Variants in ALG9 observed in about 807,000 individuals in gnomAD.
ALG9 encodes ALG9 alpha-1,2-mannosyltransferase.
ALG9 carries 55 observed loss-of-function variants against 81.8 expected under a neutral mutation model. The ratio of observed to expected loss-of-function variants is 0.67; its 90% CI spans 0.54 to 0.84. ALG9 has a LOEUF of 0.84. ALG9 is among the 40% of genes least tolerant of loss of function. The pLI is 0.00. For synonymous variants in ALG9, 278 were observed against 274.3 expected, an observed-to-expected ratio of 1.01 and a Z score of -0.13; for missense variants, 629 against 745.0, an observed-to-expected ratio of 0.84 and a Z score of 1.81.
At chr11:111,861,301 C>T (rs2072839833) in intron 4 of ALG9, among the ~76,000 whole-genome samples, 1 of 152,198 alleles carries the variant, frequency 6.6e-6, no homozygotes, top group South Asian at 2.1e-4. Flanking sequence ...CGGACATACC[C>T]ACGTGTTCAT....
Position 111,791,429 on chromosome 11 carries a change from C to T in ALG9, c.1734-4909G>A, listed in dbSNP as rs11214002. On this transcript the variant is annotated intron_variant, in intron 14 of 14. Transcript: ENST00000616540. Reference sequence around the variant, plus strand: ...AGCACATCATTTCATTTTATTCATCCAATATTCCAAGGTACGCTAAGCAGG... The same window carrying T: ...AGCACATCATTTCATTTTATTCATCTAATATTCCAAGGTACGCTAAGCAGG... Among the ~76,000 whole-genome samples the T allele has an allele frequency of 6.2e-3, 947 of 152,294 alleles. 45 individuals carry two copies. In the East Asian group the frequency reaches 0.13, roughly 21 times the overall value.
intron 13 of ALG9, among the ~76,000 whole-genome samples, chr11:111,821,268 T>G (rs1168699933): frequency 6.6e-6 from 1 of 152,164 alleles, no homozygotes; most frequent in Non-Finnish European, 1.5e-5. Flanking sequence ...CTGTCCTCCT[T>G]GAGCTCACCT....
At chr11:111,774,069 TAAAA>T in the ALG9 span, among the ~76,000 whole-genome samples, 9 of 69,732 alleles carry the variant, frequency 1.3e-4, no homozygotes, top group African/African-American at 5.9e-5. Flanking sequence ...CATATCTTAT[TAAAA>T]AAAAAAAAAA....
In ALG9 at chr11:111,870,249, A is replaced by AT; in HGVS notation, c.252dup (p.Phe85IlefsTer50). ...TCACCTACTGGCTCCCAGTAGTTGA[A>AT]TGTTTCATCACAGTCAGAGATGTTG... is the stretch of plus-strand genomic sequence containing the variant. On this transcript the variant is annotated frameshift_variant, in exon 2 of 15. Coordinates refer to ENST00000616540, the MANE Select transcript of ALG9 (RefSeq NM_024740.2). LOFTEE classifies it high-confidence loss of function. 6.2e-7 allele frequency: 1 copy of AT among 1,610,118 alleles called. No individual in the cohort carries two copies. The highest frequency in any genetic ancestry group is 2.2e-5 in the East Asian group (1 of 44,858).
At chr11:111,807,740 G>A (rs1318754486) in intron 14 of ALG9, among the ~76,000 whole-genome samples, 1 of 152,100 alleles carries the variant, frequency 6.6e-6, no homozygotes, top group Non-Finnish European at 1.5e-5. Context: ...CTTTGGGGCC[G>A]AGGTCGTGCT....
At chr11:111,840,550 A>G in intron 10 of ALG9, 105 bp downstream of exon 10, 1 of 1,354,134 alleles carries the variant, frequency 7.4e-7, no homozygotes, top group Non-Finnish European at 1.1e-6. Context: ...TGTTATGGAT[A>G]AAATATCTTA....
Position 111,784,998 on chromosome 11 carries a change from G to C in ALG9, c.*1399C>G, listed in dbSNP as rs1014944326. 1.3e-5 allele frequency: 2 copies of C among 152,638 alleles called. No homozygotes were observed. Among genetic ancestry groups the C allele is most frequent in the African/African-American group, 4.8e-5 (2 of 41,458 alleles). The allele number at this position is 152,638 out of a possible 1,614,324, so 9.5% of individuals were successfully genotyped here. A position where few individuals can be genotyped will look rare whatever the true frequency, so the allele number is the denominator to read the frequency against. ...GGAGGCTCCAAAGAACTCAAATACA[G>C]ACACAATTCTTCCTTAAAATAGAAA... On this transcript the variant is annotated 3_prime_UTR_variant, in exon 15 of 15. Coordinates refer to ENST00000616540, the MANE Select transcript of ALG9 (RefSeq NM_024740.2).
intron 12 of ALG9, 60 bp from the exon 13 acceptor site, chr11:111,836,354 T>C: frequency 6.2e-7 from 1 of 1,600,434 alleles, no homozygotes; most frequent in Non-Finnish European, 8.5e-7. Flanking sequence ...TAAATGTACT[T>C]GAAACAAACA....
At chr11:111,774,069 TAAAAAAA>T in the ALG9 span, among the ~76,000 whole-genome samples, 22 of 69,734 alleles carry the variant, frequency 3.2e-4, no homozygotes, top group African/African-American at 1.1e-3. Context: ...CATATCTTAT[TAAAAAAA>T]AAAAAAAAAA....
chr11:111,862,776 T>A (rs1402140513), intron 4 of ALG9, among the ~76,000 whole-genome samples: 1 of 151,466 alleles, frequency 6.6e-6, no homozygotes, highest in South Asian at 2.1e-4. Flanking sequence ...TATTTGGTCA[T>A]CTCTTGTTTC....
At chr11:111,780,385 T>C (rs1157813499), downstream of ALG9, among the ~76,000 whole-genome samples, 1 of 144,512 alleles carries the variant, frequency 6.9e-6, no homozygotes, top group Non-Finnish European at 1.5e-5. Context: ...ATTTGCCGTT[T>C]TTTTTTTTGT....
intron 3 of ALG9, among the ~76,000 whole-genome samples, chr11:111,867,020 G>A (rs911523428): frequency 1.3e-5 from 2 of 152,160 alleles, no homozygotes; most frequent in African/African-American, 2.4e-5. Flanking sequence ...ACTTGAATCC[G>A]GGAAACGGAG....
intron 14 of ALG9, among the ~76,000 whole-genome samples, chr11:111,797,681 T>C (rs1948507826): frequency 6.6e-6 from 1 of 152,222 alleles, no homozygotes; most frequent in Admixed American, 6.5e-5. Context: ...ATGCTGGAGC[T>C]AAGGGCTGGC....
chr11:111,783,047 C>T lies in ALG9; in HGVS notation c.*3350G>A, dbSNP rs1555057970. 6.6e-6 allele frequency: 1 copy of T among 152,144 alleles called. No individual in the cohort carries two copies. The highest frequency in any genetic ancestry group is 2.4e-5 in the African/African-American group (1 of 41,434). The allele number at this position is 152,144 out of a possible 1,614,324, so 9.4% of individuals were successfully genotyped here. On this transcript the variant is annotated 3_prime_UTR_variant, in exon 15 of 15. Transcript: ENST00000616540. ...CGTGCAGACTGGTTCAGTAATGGTACTCAGCATCACAAGATTTGGGGATTC... is the reference window on the plus strand; with the variant it reads ...CGTGCAGACTGGTTCAGTAATGGTATTCAGCATCACAAGATTTGGGGATTC...
At chr11:111,820,920 G>GCACACACACACACA (rs58305552) in intron 13 of ALG9, among the ~76,000 whole-genome samples, 1 of 146,264 alleles carries the variant, frequency 6.8e-6, no homozygotes, top group African/African-American at 2.5e-5. Context: ...AAACACGCGC[G>GCACACACACACACA]CACACACACA....
chr11:111,808,839 A>G (rs1489767051), intron 14 of ALG9, among the ~76,000 whole-genome samples: 3 of 151,880 alleles, frequency 2.0e-5, no homozygotes, highest in Non-Finnish European at 4.4e-5. Flanking sequence ...CCTCTTCCCC[A>G]TTACTCCCTT....
intron 13 of ALG9, among the ~76,000 whole-genome samples, chr11:111,818,923 T>C (rs1220085764): frequency 6.6e-6 from 1 of 151,862 alleles, no homozygotes; most frequent in African/African-American, 2.4e-5. Flanking sequence ...AGACCACAGA[T>C]AAAGCTGAGA....
chr11:111,803,899 G>A lies in ALG9; in HGVS notation c.1733+5744C>T, dbSNP rs112348090. 2.6e-5 allele frequency among the ~76,000 whole-genome samples: 4 copies of A among 152,156 alleles called. 1 individual carries two copies. The highest frequency in any genetic ancestry group is 4.8e-5 in the African/African-American group (2 of 41,502). On this transcript the variant is annotated intron_variant, in intron 14 of 14. Coordinates refer to ENST00000616540, the MANE Select transcript of ALG9 (RefSeq NM_024740.2). ...TGTAATCTCAGCACTTTGGGAGAGCGAGTCGGGTGGATCACTTGCGGTCAG... is the reference window on the plus strand; with the variant it reads ...TGTAATCTCAGCACTTTGGGAGAGCAAGTCGGGTGGATCACTTGCGGTCAG...
At position 111,802,674 on chromosome 11, in the gene ALG9, T is replaced by TA. The variant is rs200186420; in HGVS notation, c.1733+6968dup. Among the ~76,000 whole-genome samples, 27 of 151,382 alleles carry TA rather than the reference T, an allele frequency of 1.8e-4. No homozygotes were observed. The East Asian group carries it at 3.5e-3, about 20-fold the overall frequency. ...ATGTAAACTATACTGCAATAAAGTT[T>TA]AAAAAAAAACACCCCGGTTAAATTT... On this transcript the variant is annotated intron_variant, in intron 14 of 14. Coordinates refer to ENST00000616540, the MANE Select transcript of ALG9 (RefSeq NM_024740.2).
Sources: gnomAD v4.1 joint callset for allele counts (sites outside exome capture counted in the v4.1 genomes callset) on GRCh38, gnomAD v4.1.1 for gene constraint, MANE v1.5 for transcripts, NCBI Gene and HGNC (gene_info 2026-07-23, HGNC 2026-07-21) for gene names.